The following DCC variants were observed in gnomAD, a reference collection of about 807,000 sequenced individuals.
The protein encoded by DCC is DCC netrin 1 receptor.
DCC carries 58 observed loss-of-function variants against 172.5 expected under a neutral mutation model. That is an observed-to-expected ratio of 0.34 (90% CI 0.27 to 0.42). The LOEUF (loss-of-function observed/expected upper bound fraction) is 0.42. DCC is among the 10% of genes least tolerant of loss of function. The pLI, the probability that DCC is intolerant of heterozygous loss-of-function variation, is 1.00. For missense variants in DCC, 1,740 were observed against 1,791.0 expected, an observed-to-expected ratio of 0.97 and a Z score of 0.51; for synonymous variants, 709 against 644.5, an observed-to-expected ratio of 1.10 and a Z score of -1.52.
intron 1 of DCC, among the ~76,000 whole-genome samples, chr18:52,578,440 C>A (rs2033467824): frequency 6.6e-6 from 1 of 152,192 alleles, no homozygotes; most frequent in African/African-American, 2.4e-5. Context: ...TTTAAGTTTC[C>A]ATAACCCTTG....
chr18:52,476,246 C>G (rs551453481), intron 1 of DCC, among the ~76,000 whole-genome samples: 1 of 152,076 alleles, frequency 6.6e-6, no homozygotes, highest in East Asian at 1.9e-4. Flanking sequence ...TGTCTCTTTT[C>G]CCTTTTGTTC....
chr18:53,417,502 A>C (rs2145069800), intron 21 of DCC, among the ~76,000 whole-genome samples: 1 of 152,306 alleles, frequency 6.6e-6, no homozygotes, highest in East Asian at 1.9e-4. Flanking sequence ...TTACATAGGT[A>C]ACTTAAATAT....
intron 1 of DCC, among the ~76,000 whole-genome samples, chr18:52,615,220 C>T (rs933748522): frequency 6.6e-6 from 1 of 152,178 alleles, no homozygotes; most frequent in African/African-American, 2.4e-5. Flanking sequence ...ACTGAATTCT[C>T]TGAATGACTG....
At chr18:52,367,245 G>A (rs1288405380) in intron 1 of DCC, among the ~76,000 whole-genome samples, 1 of 152,178 alleles carries the variant, frequency 6.6e-6, no homozygotes, top group Non-Finnish European at 1.5e-5. Flanking sequence ...CAGCTGGCCC[G>A]CAAGTGCCGC....
At position 52,365,507 on chromosome 18, in the gene DCC, C is replaced by A. The variant is rs539098995; in HGVS notation, c.91+24629C>A. On this transcript the variant is annotated intron_variant, in intron 1 of 28. Coordinates refer to ENST00000442544, the MANE Select transcript of DCC (RefSeq NM_005215.4). ...TAGAACAATGGGAATCTTGGGAGTA[C>A]TAATGCCAATTGCTTGGGTGGGGTT... Among the ~76,000 whole-genome samples the A allele has an allele frequency of 6.7e-5, 10 of 149,236 alleles. No individual in the cohort carries two copies. The South Asian group carries it at 1.3e-3, about 20-fold the overall frequency.
chr18:52,962,675 A>G (rs2040861571), intron 5 of DCC, among the ~76,000 whole-genome samples: 2 of 151,766 alleles, frequency 1.3e-5, no homozygotes, highest in Admixed American at 1.3e-4. Flanking sequence ...TTGCGGCACT[A>G]TTCACAGTAG....
chr18:52,861,215 G>T (rs2039137210), intron 2 of DCC, among the ~76,000 whole-genome samples: 1 of 152,172 alleles, frequency 6.6e-6, no homozygotes, highest in Non-Finnish European at 1.5e-5. Context: ...CTGTCAGAAA[G>T]TGACATTCTT....
At chr18:52,894,032 T>A (rs1198985188) in intron 2 of DCC, among the ~76,000 whole-genome samples, 3 of 152,196 alleles carry the variant, frequency 2.0e-5, no homozygotes, top group African/African-American at 7.2e-5. Flanking sequence ...AGATTCACTG[T>A]TTTTTCTTTA....
chr18:52,988,587 T>TA (rs1449393411), intron 5 of DCC, among the ~76,000 whole-genome samples: 18 of 152,080 alleles, frequency 1.2e-4, no homozygotes, highest in Admixed American at 2.6e-4. Context: ...TCCATTGTTT[T>TA]AAAAAAACAT....
At chr18:53,051,354 G>A (rs984499854) in intron 5 of DCC, among the ~76,000 whole-genome samples, 4 of 151,970 alleles carry the variant, frequency 2.6e-5, no homozygotes, top group South Asian at 2.1e-4. Context: ...GCCCACCTTT[G>A]GATCTTTAGT....
At chr18:53,081,454 C>G in intron 7 of DCC, among the ~76,000 whole-genome samples, 1 of 151,908 alleles carries the variant, frequency 6.6e-6, no homozygotes. Context: ...CTAGATATCA[C>G]CTAGGGAAAG....
chr18:53,261,644 T>TG (rs1349433508), intron 12 of DCC, among the ~76,000 whole-genome samples: 1 of 152,144 alleles, frequency 6.6e-6, no homozygotes. Flanking sequence ...TCCGAGTAGC[T>TG]GGGACTACAG....
chr18:52,728,974 T>C (rs992183906), intron 1 of DCC, among the ~76,000 whole-genome samples: 1 of 152,166 alleles, frequency 6.6e-6, no homozygotes, highest in African/African-American at 2.4e-5. Flanking sequence ...TCAAAAAGCA[T>C]GTACCTCTAA....
intron 2 of DCC, among the ~76,000 whole-genome samples, chr18:52,877,014 T>C (rs1307274278): frequency 6.6e-6 from 1 of 152,210 alleles, no homozygotes; most frequent in Non-Finnish European, 1.5e-5. Context: ...GTCTAAAATA[T>C]TGCATGGTAC....
At chr18:52,529,353 C>T (rs1240863732) in intron 1 of DCC, among the ~76,000 whole-genome samples, 8 of 152,154 alleles carry the variant, frequency 5.3e-5, no homozygotes, top group African/African-American at 1.9e-4. Flanking sequence ...TGCAGTGGCA[C>T]GATCTCAGCT....
intron 1 of DCC, among the ~76,000 whole-genome samples, chr18:52,739,699 AC>A (rs1176451673): frequency 3.9e-5 from 6 of 152,224 alleles, no homozygotes; most frequent in African/African-American, 1.2e-4. Flanking sequence ...CTAAGGTACT[AC>A]CGGAAATCAC....
At chr18:53,019,194 A>G (rs189994424) in intron 5 of DCC, among the ~76,000 whole-genome samples, 3 of 152,250 alleles carry the variant, frequency 2.0e-5, no homozygotes, top group Non-Finnish European at 1.5e-5. Flanking sequence ...ATTCAGGATC[A>G]TTTTTCCCAA....
intron 7 of DCC, among the ~76,000 whole-genome samples, chr18:53,071,524 C>A (rs895131075): frequency 6.6e-6 from 1 of 152,150 alleles, no homozygotes; most frequent in African/African-American, 2.4e-5. Context: ...CTGTCTCTCT[C>A]TATAGAACAC....
intron 1 of DCC, among the ~76,000 whole-genome samples, chr18:52,589,936 TG>T (rs2033760313): frequency 6.6e-6 from 1 of 152,208 alleles, no homozygotes; most frequent in African/African-American, 2.4e-5. Context: ...AATTTTTTGT[TG>T]ATGATCTATT....
Sources: allele counts gnomAD v4.1 joint callset (sites outside exome capture counted in the v4.1 genomes callset), GRCh38; gene constraint gnomAD v4.1.1; transcripts MANE v1.5; gene names NCBI Gene and HGNC (gene_info 2026-07-23, HGNC 2026-07-21).